The following WWC1 variants were observed in gnomAD, a reference collection of about 807,000 sequenced individuals.
WWC1 encodes the protein WW and C2 domain containing 1, also known as protein KIBRA.
Under a neutral mutation model 138.4 loss-of-function variants are expected in WWC1, and 55 were observed. The ratio of observed to expected loss-of-function variants is 0.40; its 90% CI spans 0.32 to 0.50. WWC1 has a LOEUF of 0.50. WWC1 is among the 20% of genes least tolerant of loss of function. The pLI is 0.72. For missense variants in WWC1, 1,226 were observed against 1,420.4 expected, an observed-to-expected ratio of 0.86 and a Z score of 2.20; for synonymous variants, 524 against 564.9, an observed-to-expected ratio of 0.93 and a Z score of 1.03.
Position 168,368,015 on chromosome 5 carries a change from A to G in WWC1, c.120-3409A>G, listed in dbSNP as rs183225389. On this transcript the variant is annotated intron_variant, in intron 1 of 22. Transcript: ENST00000265293. ...ACTGTAACAGTATCCTGTAGCTTTT[A>G]TCTTTGAACAGTGTTGTTTTTCTCA... Among the ~76,000 whole-genome samples, 32 of 151,836 alleles carry G rather than the reference A, an allele frequency of 2.1e-4. No individual in the cohort carries two copies. The East Asian group carries it at 6.0e-3, about 28-fold the overall frequency.
At chr5:168,374,612 A>G (rs923722547) in intron 2 of WWC1, among the ~76,000 whole-genome samples, 1 of 152,218 alleles carries the variant, frequency 6.6e-6, no homozygotes, top group Admixed American at 6.5e-5. Context: ...GAGGTCAGGC[A>G]GTGGTCTGCC....
intron 1 of WWC1, among the ~76,000 whole-genome samples, chr5:168,361,413 C>G (rs1472015419): frequency 1.3e-5 from 2 of 152,184 alleles, no homozygotes; most frequent in African/African-American, 4.8e-5. Flanking sequence ...GAGCCCACCT[C>G]CCAACCTCGT....
At chr5:168,407,512 T>C (rs1265017748) in intron 6 of WWC1, among the ~76,000 whole-genome samples, 2 of 152,200 alleles carry the variant, frequency 1.3e-5, no homozygotes, top group Admixed American at 6.5e-5. Context: ...CTGTATGCTC[T>C]ATGAGAAACA....
chr5:168,429,256 ATTTTTTTT>A (rs67280988), intron 13 of WWC1, among the ~76,000 whole-genome samples: 1 of 116,376 alleles, frequency 8.6e-6, no homozygotes, highest in Non-Finnish European at 1.7e-5. Context: ...TATGATCTCA[ATTTTTTTT>A]TTTTTTTTTT....
chr5:168,423,723 G>A lies in WWC1; in HGVS notation c.1465G>A (p.Ala489Thr), dbSNP rs866783349. Residue 489 changes from alanine to threonine, a missense_variant, in exon 11 of 23, where the codon GCC becomes ACC. This residue lies in a region of WWC1 where 1,016 missense variants were observed against 1,153.9 expected (regional missense o/e 0.88). Transcript: ENST00000265293. ...GGTGGAGTTCCTGCTCCTGGAGGGG[G>A]CCACCGGCTTCCGGCCCTCAGGCTG... is the stretch of plus-strand genomic sequence containing the variant. ...SKVEFLLLEG[A>T]TGFRPSGCIT... is the part of the protein sequence containing the mutation. 6.2e-6 allele frequency: 10 copies of A among 1,613,874 alleles called. No individual in the cohort carries two copies. In the African/African-American group the frequency reaches 8.0e-5, roughly 13 times the overall value.
rs762713887 is a variant in WWC1 at position 168,428,156 on chromosome 5, G to T, written c.1919+15G>T. 3.7e-6 allele frequency: 6 copies of T among 1,608,472 alleles called. No homozygotes were observed. The South Asian group carries it at 4.4e-5, about 12-fold the overall frequency. ...TCCGTGCAGAGGTAGGTGTCTGGGT[G>T]CTGGCTCTCTCTGTGGCCCTGTAAG... On this transcript the variant is annotated intron_variant, in intron 12 of 22. Coordinates refer to ENST00000265293, the MANE Select transcript of WWC1 (RefSeq NM_015238.3).
chr5:168,340,016 TTCTTTCTTTC>T (rs1773907859), intron 1 of WWC1, among the ~76,000 whole-genome samples: 2 of 148,548 alleles, frequency 1.3e-5, no homozygotes, highest in Admixed American at 6.7e-5. Flanking sequence ...TTTCTTTCTT[TTCTTTCTTTC>T]CTTTCTTTCC....
intron 1 of WWC1, among the ~76,000 whole-genome samples, chr5:168,305,323 C>A (rs926909657): frequency 3.9e-5 from 6 of 152,212 alleles, no homozygotes; most frequent in African/African-American, 1.2e-4. Context: ...CTCTGAACCT[C>A]CACACTCCCT....
intron 16 of WWC1, among the ~76,000 whole-genome samples, chr5:168,443,883 ATTC>A (rs1436220389): frequency 6.6e-6 from 1 of 152,226 alleles, no homozygotes; most frequent in Non-Finnish European, 1.5e-5. Flanking sequence ...TGTGCCAGGT[ATTC>A]TTCTGTGTTC....
chr5:168,447,219 A>ACTT (rs1755358881), intron 17 of WWC1, among the ~76,000 whole-genome samples: 2 of 152,234 alleles, frequency 1.3e-5, no homozygotes, highest in African/African-American at 4.8e-5. Flanking sequence ...GACCTGGAGG[A>ACTT]AACATTCAAT....
intron 19 of WWC1, among the ~76,000 whole-genome samples, chr5:168,457,227 T>G (rs1431638765): frequency 6.6e-6 from 1 of 151,910 alleles, no homozygotes; most frequent in Non-Finnish European, 1.5e-5. Context: ...AGCTTAGGTC[T>G]TTTTGTATAA....
At chr5:168,388,391 GAC>G (rs1477730081) in intron 3 of WWC1, among the ~76,000 whole-genome samples, 1 of 152,020 alleles carries the variant, frequency 6.6e-6, no homozygotes, top group Non-Finnish European at 1.5e-5. Context: ...GACATTCTCA[GAC>G]AATTGGAGAC....
chr5:168,313,330 C>A (rs1217812189), intron 1 of WWC1, among the ~76,000 whole-genome samples: 1 of 152,062 alleles, frequency 6.6e-6, no homozygotes, highest in Non-Finnish European at 1.5e-5. Flanking sequence ...AGTGCTCATG[C>A]CTGTAGTCCC....
At chr5:168,374,064 A>AT (rs1491148906) in intron 2 of WWC1, among the ~76,000 whole-genome samples, 1 of 125,356 alleles carries the variant, frequency 8.0e-6, no homozygotes, top group Non-Finnish European at 1.7e-5. Context: ...AAAAAAAAAA[A>AT]GAGAGAGAGG....
chr5:168,421,894 TG>T, intron 9 of WWC1, 113 bp from the exon 10 acceptor site: 1 of 782,196 alleles, frequency 1.3e-6, no homozygotes, highest in Non-Finnish European at 2.2e-6. Flanking sequence ...CCAGATGCCG[TG>T]GTCAAATGCT....
rs552366499 is a variant in WWC1, at chr5:168,452,258, A to G, written c.2526-1710A>G. On this transcript the variant is annotated intron_variant, in intron 17 of 22. Transcript: ENST00000265293. ...ACTTACCGTATGACCCAGTAATTCT[A>G]TTATCTGTTAGGGGCTGATTTGTGT... 5.3e-5 allele frequency among the ~76,000 whole-genome samples: 8 copies of G among 152,192 alleles called. No individual in the cohort carries two copies. The East Asian group carries it at 7.7e-4, about 15-fold the overall frequency.
chr5:168,428,682 C>T (rs777463476), intron 12 of WWC1, 25 bp from the exon 13 acceptor site: 10 of 1,610,794 alleles, frequency 6.2e-6, no homozygotes, highest in Admixed American at 3.3e-5. Flanking sequence ...GGAAGCCTAA[C>T]TCCTCCTCCC....
chr5:168,343,218 G>A lies in WWC1; in HGVS notation c.120-28206G>A, dbSNP rs929584665. Among the ~76,000 whole-genome samples, 11 of 152,218 alleles carry A rather than the reference G, an allele frequency of 7.2e-5. No individual in the cohort carries two copies. In the Middle Eastern group the frequency reaches 0.01, roughly 141 times the overall value. On this transcript the variant is annotated intron_variant, in intron 1 of 22. Coordinates refer to ENST00000265293, the MANE Select transcript of WWC1 (RefSeq NM_015238.3). Reference sequence around the variant, plus strand: ...GATACAGAAATACTTTCTTGATGACGGGGCCAAACGTTCATTAAGTGCTTT... The same window carrying A: ...GATACAGAAATACTTTCTTGATGACAGGGCCAAACGTTCATTAAGTGCTTT...
rs1769153726 is a variant in WWC1 at position 168,292,570 on chromosome 5, C to T, written c.119+299C>T. 6.6e-6 allele frequency among the ~76,000 whole-genome samples: 1 copy of T among 152,062 alleles called. No homozygotes were observed. The highest frequency in any genetic ancestry group is 6.5e-5 in the Admixed American group (1 of 15,278). ...GAGTTTTGACCTTAAGCTCTAGCCC[C>T]GCCCGCCCCCTTTAGGAAGAGAGGT... On this transcript the variant is annotated intron_variant, in intron 1 of 22. Transcript: ENST00000265293. This position sits in a 1 kb window ranked among gnomAD's most constrained non-coding sequence, Gnocchi z 4.4.
Sources: allele counts gnomAD v4.1 joint callset (sites outside exome capture counted in the v4.1 genomes callset), GRCh38; gene constraint gnomAD v4.1.1; regional missense constraint gnomAD v4.1.1; non-coding constraint Gnocchi (gnomAD v3.1); transcripts MANE v1.5; gene names NCBI Gene and HGNC (gene_info 2026-07-23, HGNC 2026-07-21).